Variants in GALNT13 observed in about 807,000 individuals in gnomAD.
GALNT13 encodes UDP-GalNAc:polypeptide N-acetylgalactosaminyltransferase 13.
A neutral mutation model predicts 64.2 loss-of-function variants in GALNT13; 28 were observed. The observed-to-expected ratio is 0.44, with a 90% CI of 0.32 to 0.60. The LOEUF is 0.60. Among genes scored for constraint, GALNT13 ranks in the 20% least tolerant of loss-of-function variants. GALNT13 has a pLI of 0.05. For missense variants in GALNT13, 577 were observed against 669.8 expected, an observed-to-expected ratio of 0.86 and a Z score of 1.53; for synonymous variants, 214 against 224.6, an observed-to-expected ratio of 0.95 and a Z score of 0.42.
the GALNT13 span, among the ~76,000 whole-genome samples, chr2:153,419,044 T>C: frequency 4.8e-4 from 73 of 152,258 alleles, no homozygotes; most frequent in Non-Finnish European, 9.1e-4. Context: ...TTGGATGGTG[T>C]ATTAGTCCAT....
At chr2:153,250,242 C>T in the GALNT13 span, among the ~76,000 whole-genome samples, 118 of 152,158 alleles carry the variant, frequency 7.8e-4, no homozygotes, top group Non-Finnish European at 1.4e-3. Context: ...CAGACACTTC[C>T]GAAAAGAAGA....
At chr2:154,097,298 A>G (rs1354694521) in intron 3 of GALNT13, among the ~76,000 whole-genome samples, 2 of 152,068 alleles carry the variant, frequency 1.3e-5, no homozygotes, top group Non-Finnish European at 2.9e-5. Flanking sequence ...AATAAAACCC[A>G]CAATAACCCA....
chr2:153,566,500 G>A, the GALNT13 span, among the ~76,000 whole-genome samples: 3 of 151,746 alleles, frequency 2.0e-5, no homozygotes, highest in East Asian at 5.8e-4. Flanking sequence ...GACTACAGGC[G>A]CCTGCCACCG....
the GALNT13 span, among the ~76,000 whole-genome samples, chr2:153,487,865 A>G: frequency 1.3e-5 from 2 of 152,194 alleles, no homozygotes; most frequent in South Asian, 2.1e-4. Context: ...GTTTTTTTGC[A>G]TCTTAAAGAA....
chr2:153,185,301 A>T, the GALNT13 span, among the ~76,000 whole-genome samples: 2 of 151,982 alleles, frequency 1.3e-5, no homozygotes, highest in Middle Eastern at 3.2e-3. Context: ...ATCACTGGTG[A>T]TATCTCCCTT....
intron 1 of GALNT13, among the ~76,000 whole-genome samples, chr2:153,873,826 TTC>T (rs529681559): frequency 1.3e-5 from 2 of 151,590 alleles, no homozygotes; most frequent in African/African-American, 2.4e-5. Context: ...CTCTCTCTCT[TTC>T]TCTCTCTCTC....
chr2:153,226,640 T>TTTTTAACTG, the GALNT13 span, among the ~76,000 whole-genome samples: 2 of 152,320 alleles, frequency 1.3e-5, no homozygotes, highest in East Asian at 3.9e-4. Flanking sequence ...ACCAGTACTT[T>TTTTTAACTG]TCAAAACTGT....
chr2:153,723,545 CT>C, the GALNT13 span, among the ~76,000 whole-genome samples: 1 of 150,938 alleles, frequency 6.6e-6, no homozygotes, highest in Non-Finnish European at 1.5e-5. Flanking sequence ...GATTGTTTAT[CT>C]AGAAAACCCC....
chr2:153,918,018 G>A (rs1349160485), intron 2 of GALNT13, among the ~76,000 whole-genome samples: 1 of 152,038 alleles, frequency 6.6e-6, no homozygotes, highest in Non-Finnish European at 1.5e-5. Flanking sequence ...ATGTGTGAGT[G>A]CAGAGGTTTG....
At chr2:154,400,422 G>C (rs1371446240) in intron 10 of GALNT13, among the ~76,000 whole-genome samples, 1 of 152,022 alleles carries the variant, frequency 6.6e-6, no homozygotes, top group Non-Finnish European at 1.5e-5. Context: ...AACTCTATTT[G>C]ATATTGCTGT....
the GALNT13 span, among the ~76,000 whole-genome samples, chr2:153,082,049 T>G: frequency 6.6e-6 from 1 of 152,218 alleles, no homozygotes; most frequent in African/African-American, 2.4e-5. Flanking sequence ...GCCTGTCTGT[T>G]GGATATAAGC....
At chr2:154,388,572 GATAAGA>G (rs961305668) in intron 9 of GALNT13, among the ~76,000 whole-genome samples, 1 of 152,050 alleles carries the variant, frequency 6.6e-6, no homozygotes, top group Admixed American at 6.5e-5. Flanking sequence ...TTTGGTATAA[GATAAGA>G]ATAAGATCTA....
At chr2:153,520,217 G>C in the GALNT13 span, among the ~76,000 whole-genome samples, 1 of 152,084 alleles carries the variant, frequency 6.6e-6, no homozygotes, top group East Asian at 1.9e-4. Flanking sequence ...AGGCAGTAAG[G>C]TACCTTAAGG....
chr2:153,133,043 T>G, the GALNT13 span, among the ~76,000 whole-genome samples: 1 of 151,856 alleles, frequency 6.6e-6, no homozygotes, highest in Admixed American at 6.6e-5. Context: ...TAATTTTTTT[T>G]TTTTTTTTTT....
At chr2:153,674,364 A>G in the GALNT13 span, among the ~76,000 whole-genome samples, 2 of 152,146 alleles carry the variant, frequency 1.3e-5, no homozygotes, top group Non-Finnish European at 2.9e-5. Context: ...ATATAGACCA[A>G]TGGAACAGAA....
the GALNT13 span, among the ~76,000 whole-genome samples, chr2:153,493,058 C>A: frequency 1.3e-5 from 2 of 151,834 alleles, no homozygotes; most frequent in Middle Eastern, 3.4e-3. Context: ...ACACTTAAAG[C>A]TTTAAATGTT....
At chr2:154,141,539 G>T (rs1311054979) in intron 4 of GALNT13, among the ~76,000 whole-genome samples, 1 of 151,946 alleles carries the variant, frequency 6.6e-6, no homozygotes, top group Non-Finnish European at 1.5e-5. Context: ...TCGGGGTCAG[G>T]ATCATCAAAC....
chr2:153,606,855 A>G, the GALNT13 span, among the ~76,000 whole-genome samples: 1 of 140,762 alleles, frequency 7.1e-6, no homozygotes, highest in Non-Finnish European at 1.5e-5. Context: ...GCTCTGTGTC[A>G]TGTCGTCAGG....
At chr2:154,174,490 A>T (rs182386993) in intron 4 of GALNT13, among the ~76,000 whole-genome samples, 3 of 152,294 alleles carry the variant, frequency 2.0e-5, no homozygotes, top group Non-Finnish European at 4.4e-5. Flanking sequence ...TAACAGTTCC[A>T]TGAGCAAGTT....
Sources: allele counts gnomAD v4.1 joint callset (sites outside exome capture counted in the v4.1 genomes callset), GRCh38; gene constraint gnomAD v4.1.1; transcripts MANE v1.5; gene names NCBI Gene and HGNC (gene_info 2026-07-23, HGNC 2026-07-21).